LAMA2: variants seen among roughly 807,000 people sequenced by gnomAD.
The protein encoded by LAMA2 is laminin subunit alpha-2.
Under a neutral mutation model 364.8 loss-of-function variants are expected in LAMA2, and 269 were observed. That is an observed-to-expected ratio of 0.74 (90% CI 0.67 to 0.82). The LOEUF (loss-of-function observed/expected upper bound fraction) is 0.82, where lower values mean the gene tolerates loss of function less well. LAMA2 is among the 40% of genes least tolerant of loss of function. LAMA2 has a pLI of 0.00. For synonymous variants in LAMA2, 1,379 were observed against 1,370.6 expected, an observed-to-expected ratio of 1.01 and a Z score of -0.14; for missense variants, 3,807 against 3,873.2, an observed-to-expected ratio of 0.98 and a Z score of 0.45.
intron 9 of LAMA2, among the ~76,000 whole-genome samples, chr6:129,166,005 A>G (rs533185701): frequency 1.6e-3 from 238 of 152,324 alleles, no homozygotes; most frequent in African/African-American, 5.5e-3. Context: ...GTTATTTATT[A>G]GATTGTTTGT....
intron 22 of LAMA2, among the ~76,000 whole-genome samples, chr6:129,303,405 C>A (rs1240824969): frequency 6.6e-6 from 1 of 152,094 alleles, no homozygotes; most frequent in East Asian, 1.9e-4. Flanking sequence ...CCTTTCTAAT[C>A]TGTGTAACTT....
chr6:129,449,712 T>C (rs1056590254), intron 45 of LAMA2, among the ~76,000 whole-genome samples: 1 of 152,134 alleles, frequency 6.6e-6, no homozygotes, highest in Non-Finnish European at 1.5e-5. Context: ...CTAGTGACAT[T>C]AGATACTCAG....
intron 49 of LAMA2, among the ~76,000 whole-genome samples, chr6:129,461,320 A>G (rs1038170778): frequency 6.6e-6 from 1 of 152,064 alleles, no homozygotes; most frequent in African/African-American, 2.4e-5. Context: ...CATAGAAGAA[A>G]GTAGCCCCAA....
At chr6:129,229,365 A>G (rs539185579) in intron 12 of LAMA2, among the ~76,000 whole-genome samples, 12 of 152,270 alleles carry the variant, frequency 7.9e-5, no homozygotes, top group Admixed American at 1.3e-4. Flanking sequence ...AAGTAAGTGA[A>G]AAGGCCCTAA....
At chr6:128,955,513 A>T (rs1781087791) in intron 1 of LAMA2, among the ~76,000 whole-genome samples, 1 of 151,980 alleles carries the variant, frequency 6.6e-6, no homozygotes, top group Non-Finnish European at 1.5e-5. Flanking sequence ...CAGAAGGCAA[A>T]ATATGTAAAA....
intron 61 of LAMA2, among the ~76,000 whole-genome samples, chr6:129,506,570 C>T (rs1786094260): frequency 6.6e-6 from 1 of 151,950 alleles, no homozygotes; most frequent in Non-Finnish European, 1.5e-5. Flanking sequence ...TCAATATTCA[C>T]AAAATAATTT....
intron 12 of LAMA2, among the ~76,000 whole-genome samples, chr6:129,226,540 C>T (rs1195030712): frequency 6.6e-6 from 1 of 151,994 alleles, no homozygotes; most frequent in Non-Finnish European, 1.5e-5. Flanking sequence ...GTGACAAAAT[C>T]TCTCAGCATT....
chr6:129,486,657 T>A (rs764462858), intron 56 of LAMA2, 35 bp downstream of exon 56: 1 of 1,590,442 alleles, frequency 6.3e-7, no homozygotes, highest in Non-Finnish European at 8.6e-7. Context: ...TTATTGTAAC[T>A]CAGGTGAACT....
chr6:129,262,047 C>CTTGATTCCACATACT (rs1358614865), intron 15 of LAMA2, among the ~76,000 whole-genome samples: 2 of 152,050 alleles, frequency 1.3e-5, no homozygotes, highest in Non-Finnish European at 2.9e-5. Context: ...TGTTTTAAGG[C>CTTGATTCCACATACT]TTGTTTCCAC....
chr6:129,109,988 A>G (rs147916447), intron 4 of LAMA2, among the ~76,000 whole-genome samples: 1 of 152,080 alleles, frequency 6.6e-6, no homozygotes, highest in East Asian at 1.9e-4. Flanking sequence ...TTCAGATTTC[A>G]TTGTGTGGAC....
intron 1 of LAMA2, among the ~76,000 whole-genome samples, chr6:128,913,616 C>T (rs1312563129): frequency 6.6e-6 from 1 of 152,186 alleles, no homozygotes; most frequent in Non-Finnish European, 1.5e-5. Flanking sequence ...CATATTCTTA[C>T]TTCTGGAATC....
chr6:129,147,114 C>A, intron 6 of LAMA2, 66 bp downstream of exon 6: 2 of 1,017,088 alleles, frequency 2.0e-6, no homozygotes, highest in African/African-American at 1.6e-5. Context: ...TCATGACAGT[C>A]TTTGCTGACA....
chr6:129,023,156 T>C (rs769380554), intron 1 of LAMA2, among the ~76,000 whole-genome samples: 1 of 152,204 alleles, frequency 6.6e-6, no homozygotes, highest in Non-Finnish European at 1.5e-5. Context: ...TTTCTCTCCA[T>C]AAAACTGTTA....
At chr6:129,392,995 AG>A (rs1779401232) in intron 36 of LAMA2, 49 bp from the exon 37 acceptor site, 2 of 1,417,768 alleles carry the variant, frequency 1.4e-6, no homozygotes, top group Admixed American at 3.4e-5. Flanking sequence ...ATAAACCCTA[AG>A]GCAGTGACAT....
chr6:128,883,539 G>C (rs1400142190), intron 1 of LAMA2, among the ~76,000 whole-genome samples, 182 bp downstream of exon 1: 2 of 152,080 alleles, frequency 1.3e-5, no homozygotes, highest in Non-Finnish European at 2.9e-5. Flanking sequence ...CGTAGTGTAG[G>C]GGGAATTACC....
Position 129,445,970 on chromosome 6 carries a change from G to C in LAMA2, c.6429+149G>C, listed in dbSNP as rs544498581. ...GATTTGGGGTAGGAGGGGTTGGAGT[G>C]GGGGAGAGGTTAGTTTTGTTTTGTT... On this transcript the variant is annotated intron_variant, in intron 45 of 64. Coordinates refer to ENST00000421865, the MANE Select transcript of LAMA2 (RefSeq NM_000426.4). 8 of 692,956 alleles carry C rather than the reference G, an allele frequency of 1.2e-5. 1 individual carries two copies. The highest frequency in any genetic ancestry group is 6.8e-5 in the South Asian group (4 of 58,468). 42.9% of individuals were successfully genotyped at this position (692,956 alleles called of 1,614,324 possible).
At chr6:129,382,707 C>G (rs368449678) in intron 34 of LAMA2, among the ~76,000 whole-genome samples, 6 of 152,158 alleles carry the variant, frequency 3.9e-5, no homozygotes, top group East Asian at 3.9e-4. Context: ...AGGCAGACAG[C>G]CTGTTTGTCT....
At chr6:129,053,167 C>T (rs1236700826) in intron 2 of LAMA2, among the ~76,000 whole-genome samples, 2 of 152,224 alleles carry the variant, frequency 1.3e-5, no homozygotes, top group African/African-American at 4.8e-5. Flanking sequence ...CAACCTCCGC[C>T]TCCCGGGTTC....
At chr6:129,112,828 A>G (rs999968271) in intron 4 of LAMA2, among the ~76,000 whole-genome samples, 3 of 151,960 alleles carry the variant, frequency 2.0e-5, no homozygotes, top group Non-Finnish European at 4.4e-5. Flanking sequence ...GTTCCTAGCA[A>G]TTGCCTTGAC....
Sources: gnomAD v4.1 joint callset for allele counts (sites outside exome capture counted in the v4.1 genomes callset) on GRCh38, gnomAD v4.1.1 for gene constraint, MANE v1.5 for transcripts, NCBI Gene and HGNC (gene_info 2026-07-23, HGNC 2026-07-21) for gene names.